CCDC88A: variants seen among roughly 807,000 people sequenced by gnomAD.
CCDC88A encodes coiled-coil and HOOK domain protein 88A.
A neutral mutation model predicts 234.3 loss-of-function variants in CCDC88A; 54 were observed. That is an observed-to-expected ratio of 0.23 (90% CI 0.19 to 0.29). The LOEUF is 0.29. Among genes scored for constraint, CCDC88A ranks in the 10% least tolerant of loss-of-function variants. CCDC88A has a pLI of 1.00. For synonymous variants in CCDC88A, 753 were observed against 737.8 expected, an observed-to-expected ratio of 1.02 and a Z score of -0.33; for missense variants, 1,832 against 2,123.4, an observed-to-expected ratio of 0.86 and a Z score of 2.70.
At chr2:55,319,937 TTATCA>T (rs546005659) in intron 18 of CCDC88A, among the ~76,000 whole-genome samples, 153 of 152,318 alleles carry the variant, frequency 1.0e-3, no homozygotes, top group African/African-American at 3.5e-3. Flanking sequence ...TAGATCACTC[TTATCA>T]TATCTATATG....
intron 2 of CCDC88A, among the ~76,000 whole-genome samples, chr2:55,414,612 G>A (rs1681039365): frequency 6.6e-6 from 1 of 152,212 alleles, no homozygotes; most frequent in African/African-American, 2.4e-5. Context: ...TCTCAAGTCA[G>A]TGAAAAGACT....
chr2:55,352,773 T>C (rs1354593088), intron 8 of CCDC88A, among the ~76,000 whole-genome samples: 1 of 152,194 alleles, frequency 6.6e-6, no homozygotes, highest in African/African-American at 2.4e-5. Context: ...TGTTTATAAA[T>C]CAAAAGCAAT....
intron 3 of CCDC88A, chr2:55,388,429 T>TTTTTAAAGG (rs1676059810): frequency 8.8e-6 from 1 of 113,536 alleles, no homozygotes; most frequent in Non-Finnish European, 1.9e-5. Flanking sequence ...AAAATATGCA[T>TTTTTAAAGG]CCAATTCAGG....
Position 55,295,988 on chromosome 2 carries a change from A to T in CCDC88A, c.5160T>A (p.Phe1720Leu). The T allele has an allele frequency of 4.3e-6, 7 of 1,613,502 alleles. No individual in the cohort carries two copies. In the South Asian group the frequency reaches 7.7e-5, roughly 18 times the overall value. ...AGCTAACTGGTTTGTCTTTTCCCAAAAAGTCAGAAGAGACAGACAAACTTT... is the reference window on the plus strand; with the variant it reads ...AGCTAACTGGTTTGTCTTTTCCCAATAAGTCAGAAGAGACAGACAAACTTT... Reference protein sequence around the residue: ...VMKSLSVSSDFLGKDKPVSCG... With the variant: ...VMKSLSVSSDLLGKDKPVSCG... The change falls in exon 31 of 33, where the codon TTT becomes TTA. Residue 1720 changes from phenylalanine (F) to leucine (L), a missense_variant. This residue lies in a region of CCDC88A where 422 missense variants were observed against 416.5 expected (regional missense o/e 1.01). Transcript: ENST00000436346.
intron 16 of CCDC88A, chr2:55,329,471 G>T (rs942396218): frequency 2.0e-5 from 3 of 152,054 alleles, no homozygotes; most frequent in African/African-American, 7.2e-5. Context: ...CTTTGGTATC[G>T]GCTGGAGTCA....
In CCDC88A at chr2:55,317,500, T is replaced by C; in HGVS notation, c.3602+64A>G. The C allele has an allele frequency of 3.1e-6, 4 of 1,272,550 alleles. No individual in the cohort carries two copies. The highest frequency in any genetic ancestry group is 3.2e-6 in the Non-Finnish European group (3 of 943,800). The allele number at this position is 1,272,550 out of a possible 1,614,324, so 78.8% of individuals were successfully genotyped here. Reference sequence around the variant, plus strand: ...CATTAGATGTGTTTAATATATAAAATTTATTATACTACTTGAAGAAAATTC... The same window carrying C: ...CATTAGATGTGTTTAATATATAAAACTTATTATACTACTTGAAGAAAATTC... On this transcript the variant is annotated intron_variant, in intron 20 of 32. Transcript: ENST00000436346. This position sits in a 1 kb window ranked among gnomAD's most constrained non-coding sequence, Gnocchi z 4.2.
rs955721513 is a variant in CCDC88A, at chr2:55,388,903, A to G, written c.165-17T>C. 11 of 873,818 alleles carry G rather than the reference A, an allele frequency of 1.3e-5. 1 individual carries two copies. The Middle Eastern group carries it at 9.4e-4, about 75-fold the overall frequency. 54.1% of individuals were successfully genotyped at this position (873,818 alleles called of 1,614,324 possible). The stretch of plus-strand genomic sequence containing the variant: ...TTAGGATTACTGTAAGAAATACAAA[A>G]ATACTTTAAAATTACATAAAATACT... On this transcript the variant is annotated splice_polypyrimidine_tract_variant and intron_variant, in intron 2 of 32. Transcript: ENST00000436346.
In CCDC88A at chr2:55,289,452, G is replaced by C. The variant is rs2576693; in HGVS notation, c.*1748C>G. On this transcript the variant is annotated 3_prime_UTR_variant, in exon 33 of 33. Transcript: ENST00000436346. ...GCTACTTGAATCCAGGGAGTTATGAGAGAGAGAGATGTTTCAAAGTCTACG... is the reference window on the plus strand; with the variant it reads ...GCTACTTGAATCCAGGGAGTTATGACAGAGAGAGATGTTTCAAAGTCTACG... The C allele has an allele frequency of 0.93, 142,335 of 152,492 alleles. 66,643 individuals are homozygous for C. Among genetic ancestry groups the C allele is most frequent in the East Asian group, 0.97 (5,049 of 5,192 alleles). The allele number at this position is 152,492 out of a possible 1,614,324, so 9.4% of individuals were successfully genotyped here.
intron 5 of CCDC88A, among the ~76,000 whole-genome samples, chr2:55,371,480 C>T (rs1234507822): frequency 4.6e-5 from 7 of 152,130 alleles, no homozygotes; most frequent in Non-Finnish European, 8.8e-5. Flanking sequence ...TGTAATAATT[C>T]ATCCAAAAAA....
rs373143993 is a variant in CCDC88A at position 55,343,777 on chromosome 2, T to C, written c.1204A>G (p.Arg402Gly). The change falls in exon 12 of 33, where the codon AGA becomes GGA. Residue 402 changes from arginine to glycine, a missense_variant. By Grantham distance (125) the Arg-to-Gly change is moderately radical. Coordinates refer to ENST00000436346, the MANE Select transcript of CCDC88A (RefSeq NM_001365480.1). ...TCCATTAATTCTTCAATCTTTTTTC[T>C]ATCCATATCTCGTTCCTTTTTTATT... The part of the protein sequence containing the change: ...HDMEMERDMD[R>G]KKIEELMEEN... 2 of 1,608,830 alleles carry C rather than the reference T, an allele frequency of 1.2e-6. No individual in the cohort carries two copies. Among genetic ancestry groups the C allele is most frequent in the African/African-American group, 2.7e-5 (2 of 74,786 alleles).
Position 55,295,829 on chromosome 2 carries a change from A to G in CCDC88A, c.5319T>C (p.Pro1773=), listed in dbSNP as rs2104549926. The change falls in exon 31 of 33, where the codon CCT becomes CCC. Residue 1773 remains proline (P), a synonymous_variant. Coordinates refer to ENST00000436346, the MANE Select transcript of CCDC88A (RefSeq NM_001365480.1). ...TTATTTTTCCTTGAGTGCCTGGTGT[A>G]GGTTTTCCCGCAGAACTAATGAAGT... The part of the protein sequence containing the change: ...DTYFISSAGK[P]TPGTQGKIKL... The G allele has an allele frequency of 6.2e-7, 1 of 1,614,130 alleles. No homozygotes were observed. The highest frequency in any genetic ancestry group is 1.1e-5 in the South Asian group (1 of 91,082).
chr2:55,302,948 G>T, intron 26 of CCDC88A, 121 bp downstream of exon 26: 1 of 673,916 alleles, frequency 1.5e-6, no homozygotes, highest in Non-Finnish European at 2.6e-6. Context: ...CCTTATATTA[G>T]AGGAAGACTG....
rs778773093 is a variant in CCDC88A at position 55,296,247 on chromosome 2, A to C, written c.5091+11T>G. The stretch of plus-strand genomic sequence containing the variant: ...TTCATCTAAATTAAGGTCATCATAG[A>C]TAAAACTAACCTGTACTGAGGTAAG... On this transcript the variant is annotated intron_variant, in intron 30 of 32. Coordinates refer to ENST00000436346, the MANE Select transcript of CCDC88A (RefSeq NM_001365480.1). The C allele has an allele frequency of 1.2e-6, 2 of 1,611,346 alleles. No individual in the cohort carries two copies. Among genetic ancestry groups the C allele is most frequent in the East Asian group, 4.5e-5 (2 of 44,870 alleles).
intron 7 of CCDC88A, 60 bp downstream of exon 7, chr2:55,362,248 G>A: frequency 7.6e-7 from 1 of 1,323,722 alleles, no homozygotes; most frequent in Non-Finnish European, 1.0e-6. Context: ...AGTTCCTAAA[G>A]CTACTATTTT....
intron 14 of CCDC88A, among the ~76,000 whole-genome samples, chr2:55,336,455 T>C (rs1414062511): frequency 6.6e-6 from 1 of 152,020 alleles, no homozygotes; most frequent in Admixed American, 6.6e-5. Flanking sequence ...TTATACTAGA[T>C]GATTATTAAG....
At chr2:55,345,388 G>A (rs529387417) in intron 10 of CCDC88A, 2 of 152,130 alleles carry the variant, frequency 1.3e-5, no homozygotes, top group South Asian at 2.1e-4. Context: ...GAAGATACAA[G>A]ACCTGCCAAA....
intron 3 of CCDC88A, among the ~76,000 whole-genome samples, chr2:55,378,493 T>C (rs929313610): frequency 1.3e-5 from 2 of 152,186 alleles, no homozygotes; most frequent in Non-Finnish European, 2.9e-5. Flanking sequence ...ACAATACATA[T>C]GCCTTTTTTG....
chr2:55,406,697 T>G (rs1430982179), intron 2 of CCDC88A, among the ~76,000 whole-genome samples: 1 of 152,060 alleles, frequency 6.6e-6, no homozygotes, highest in South Asian at 2.1e-4. Flanking sequence ...AGGCAGAGGC[T>G]GCAGTGAGCT....
chr2:55,304,991 AT>A (rs1479513862), intron 25 of CCDC88A, among the ~76,000 whole-genome samples: 1 of 152,330 alleles, frequency 6.6e-6, no homozygotes, highest in East Asian at 1.9e-4. Flanking sequence ...AACTTGTTTG[AT>A]TGCTATTAGG....
Sources: allele counts gnomAD v4.1 joint callset (sites outside exome capture counted in the v4.1 genomes callset), GRCh38; gene constraint gnomAD v4.1.1; regional missense constraint gnomAD v4.1.1; non-coding constraint Gnocchi (gnomAD v3.1); transcripts MANE v1.5; gene names NCBI Gene and HGNC (gene_info 2026-07-23, HGNC 2026-07-21).